PRKAG2: variants seen among roughly 807,000 people sequenced by gnomAD.
The protein encoded by PRKAG2 is 5'-AMP-activated protein kinase subunit gamma-2.
A neutral mutation model predicts 69.6 loss-of-function variants in PRKAG2; 26 were observed. That is an observed-to-expected ratio of 0.37 (90% CI 0.27 to 0.52). PRKAG2 has a LOEUF of 0.52. Among genes scored for constraint, PRKAG2 ranks in the 20% least tolerant of loss-of-function variants. PRKAG2 has a pLI of 0.90. For synonymous variants in PRKAG2, 293 were observed against 285.0 expected, an observed-to-expected ratio of 1.03 and a Z score of -0.28; for missense variants, 557 against 740.0, an observed-to-expected ratio of 0.75 and a Z score of 2.87.
chr7:151,730,651 G>A (rs562573136), intron 3 of PRKAG2, among the ~76,000 whole-genome samples: 27 of 152,302 alleles, frequency 1.8e-4, no homozygotes, highest in African/African-American at 6.3e-4. Context: ...AGGACTATGA[G>A]GGGTGAGGAG....
intron 14 of PRKAG2, among the ~76,000 whole-genome samples, chr7:151,563,173 TC>T (rs1208704003): frequency 6.6e-6 from 1 of 152,162 alleles, no homozygotes; most frequent in African/African-American, 2.4e-5. Context: ...ACAAATGGAA[TC>T]ATCACTGATA....
At chr7:151,862,536 C>CCAT (rs1280075446) in intron 1 of PRKAG2, among the ~76,000 whole-genome samples, 31 of 152,216 alleles carry the variant, frequency 2.0e-4, no homozygotes, top group African/African-American at 5.8e-4. Flanking sequence ...CATGTCCTCA[C>CCAT]CATCATCATC....
intron 3 of PRKAG2, among the ~76,000 whole-genome samples, chr7:151,691,160 A>G (rs766585937): frequency 6.6e-6 from 1 of 152,208 alleles, no homozygotes; most frequent in Non-Finnish European, 1.5e-5. Context: ...AAAATGGTGT[A>G]ATACGTGCAT....
In PRKAG2 at chr7:151,698,938, G is replaced by A. The variant is rs189492568; in HGVS notation, c.467-23301C>T. 5.0e-3 allele frequency among the ~76,000 whole-genome samples: 765 copies of A among 152,244 alleles called. 3 individuals are homozygous for A. The highest frequency in any genetic ancestry group is 0.018 in the African/African-American group (727 of 41,534). Reference sequence around the variant, plus strand: ...ACTCCAAGCCACCCTGAGATGCCACGTGGAACCCTAGGAAAACCCACCTCT... The same window carrying A: ...ACTCCAAGCCACCCTGAGATGCCACATGGAACCCTAGGAAAACCCACCTCT... On this transcript the variant is annotated intron_variant, in intron 3 of 15. Transcript: ENST00000287878.
chr7:151,599,743 C>T (rs976607754), intron 5 of PRKAG2, among the ~76,000 whole-genome samples: 6 of 152,168 alleles, frequency 3.9e-5, no homozygotes, highest in Non-Finnish European at 1.5e-5. Flanking sequence ...ATAATGCTGG[C>T]TCACCCGCCC....
intron 1 of PRKAG2, among the ~76,000 whole-genome samples, chr7:151,844,929 T>C (rs1453909858): frequency 6.7e-6 from 1 of 150,094 alleles, no homozygotes; most frequent in Non-Finnish European, 1.5e-5. Context: ...AATTCTGTGC[T>C]CCCCAGCCCG....
intron 15 of PRKAG2, chr7:151,559,038 G>T (rs1804375959): frequency 9.1e-6 from 9 of 985,432 alleles, no homozygotes; most frequent in African/African-American, 7.0e-5. Context: ...ATCTTTTTCT[G>T]AAGGTGCCAA....
intron 1 of PRKAG2, among the ~76,000 whole-genome samples, chr7:151,821,602 CA>C (rs2151865065): frequency 7.3e-6 from 1 of 137,560 alleles, no homozygotes; most frequent in South Asian, 2.3e-4. Context: ...CCACACTGCA[CA>C]AAACCATTTT....
intron 8 of PRKAG2, among the ~76,000 whole-genome samples, chr7:151,573,525 A>C (rs1808197019): frequency 6.6e-6 from 1 of 151,800 alleles, no homozygotes; most frequent in South Asian, 2.1e-4. Context: ...ATATTTAGAC[A>C]TAACTGCTTT....
At chr7:151,698,989 C>T (rs180713632) in intron 3 of PRKAG2, among the ~76,000 whole-genome samples, 1 of 152,324 alleles carries the variant, frequency 6.6e-6, no homozygotes, top group East Asian at 1.9e-4. Context: ...AATCAGGTAA[C>T]TTCTCGCTAC....
At chr7:151,831,408 A>G (rs907008236) in intron 1 of PRKAG2, among the ~76,000 whole-genome samples, 22 of 152,258 alleles carry the variant, frequency 1.4e-4, no homozygotes, top group African/African-American at 5.1e-4. Flanking sequence ...ATAAAAAGGA[A>G]GGACTGACGC....
Position 151,560,648 on chromosome 7 carries a change from T to A in PRKAG2, c.1585-31A>T, listed in dbSNP as rs750177024. ...AAGAGAAAAGCAGGACACGTGAAAA[T>A]TAACATTTAAAAAAGGTTTAAAATG... On this transcript the variant is annotated intron_variant, in intron 14 of 15. Transcript: ENST00000287878. 5 of 1,613,344 alleles carry A rather than the reference T, an allele frequency of 3.1e-6. 1 individual carries two copies. The South Asian group carries it at 5.5e-5, about 18-fold the overall frequency.
intron 3 of PRKAG2, among the ~76,000 whole-genome samples, chr7:151,677,189 T>C (rs1585694310): frequency 6.6e-6 from 1 of 152,004 alleles, no homozygotes; most frequent in East Asian, 1.9e-4. Context: ...CAAATCTCTT[T>C]TTCTTTTTTT....
intron 1 of PRKAG2, among the ~76,000 whole-genome samples, chr7:151,844,076 G>A (rs1416388960): frequency 2.0e-5 from 3 of 152,222 alleles, no homozygotes; most frequent in African/African-American, 7.2e-5. Context: ...TGGAGAAGAA[G>A]GCATGAGTCA....
chr7:151,814,595 A>G lies in PRKAG2; in HGVS notation c.115-28054T>C, dbSNP rs1274748003. The G allele has an allele frequency of 1.6e-6, 2 of 1,231,624 alleles. No individual in the cohort carries two copies. The highest frequency in any genetic ancestry group is 8.4e-5 in the Admixed American group (2 of 23,708). The allele number at this position is 1,231,624 out of a possible 1,614,324, so 76.3% of individuals were successfully genotyped here. On this transcript the variant is annotated intron_variant, in intron 1 of 15. Transcript: ENST00000287878. This position sits in a 1 kb window ranked among gnomAD's most constrained non-coding sequence, Gnocchi z 4.8. The stretch of plus-strand genomic sequence containing the variant: ...AGGGGTTTCCCAGCCCCTTCAGCAC[A>G]GGCAATTTCTAGGGTTCGGCTGTGC...
At chr7:151,773,025 G>GAAAGAAAGAAAGAAAGAA (rs762104825) in intron 3 of PRKAG2, among the ~76,000 whole-genome samples, 6 of 40,040 alleles carry the variant, frequency 1.5e-4, no homozygotes, top group East Asian at 1.1e-3. Context: ...AAGAAAGAAA[G>GAAAGAAAGAAAGAAAGAA]AGAGAGAGAG....
rs1045744538 is a variant in PRKAG2 at position 151,570,304 on chromosome 7, A to C, written c.1052-79T>G. The C allele has an allele frequency of 2.6e-5, 38 of 1,467,948 alleles. No individual in the cohort carries two copies. In the East Asian group the frequency reaches 3.9e-4, roughly 15 times the overall value. 90.9% of individuals were successfully genotyped at this position (1,467,948 alleles called of 1,614,324 possible). A position where few individuals can be genotyped will look rare whatever the true frequency, so the allele number is the denominator to read the frequency against. The stretch of plus-strand genomic sequence containing the variant: ...TATAACACAAATTCAAATACCCTTC[A>C]GTTTACGGTTAATAGTTAGAAGGAT... On this transcript the variant is annotated intron_variant, in intron 9 of 15. Transcript: ENST00000287878.
intron 3 of PRKAG2, among the ~76,000 whole-genome samples, chr7:151,775,285 T>C (rs938615661): frequency 6.6e-6 from 1 of 152,010 alleles, no homozygotes; most frequent in African/African-American, 2.4e-5. Context: ...CCCTGATTGA[T>C]TCAGGGATCC....
intron 5 of PRKAG2, among the ~76,000 whole-genome samples, chr7:151,597,788 A>G (rs2151147062): frequency 6.8e-6 from 1 of 146,610 alleles, no homozygotes; most frequent in Middle Eastern, 3.4e-3. Flanking sequence ...AAAACAAAAG[A>G]TGAGTGTTGC....
Sources: gnomAD v4.1 joint callset for allele counts (sites outside exome capture counted in the v4.1 genomes callset) on GRCh38, gnomAD v4.1.1 for gene constraint, Gnocchi (gnomAD v3.1) non-coding constraint, MANE v1.5 for transcripts, NCBI Gene and HGNC (gene_info 2026-07-23, HGNC 2026-07-21) for gene names.